ALPK2: variants seen among roughly 807,000 people sequenced by gnomAD.
ALPK2 encodes alpha-protein kinase 2.
Under a neutral mutation model 163.1 loss-of-function variants are expected in ALPK2, and 127 were observed. The ratio of observed to expected loss-of-function variants is 0.78; its 90% CI spans 0.67 to 0.90. The LOEUF is 0.90. ALPK2 is among the 40% of genes least tolerant of loss of function. ALPK2 has a pLI of 0.00. For missense variants in ALPK2, 2,360 were observed against 2,589.6 expected, an observed-to-expected ratio of 0.91 and a Z score of 1.92; for synonymous variants, 953 against 959.1, an observed-to-expected ratio of 0.99 and a Z score of 0.12.
chr18:58,582,621 G>A (rs1288885950), intron 3 of ALPK2, among the ~76,000 whole-genome samples: 1 of 152,004 alleles, frequency 6.6e-6, no homozygotes, highest in African/African-American at 2.4e-5. Context: ...CCAAATATGA[G>A]TGACCATGGC....
At chr18:58,545,601 C>G (rs2051713604) in intron 4 of ALPK2, among the ~76,000 whole-genome samples, 1 of 152,230 alleles carries the variant, frequency 6.6e-6, no homozygotes, top group Non-Finnish European at 1.5e-5. Context: ...AATCAGAAGC[C>G]CCGGGGCCAG....
chr18:58,565,916 G>A (rs1352513912), intron 4 of ALPK2, among the ~76,000 whole-genome samples: 3 of 152,046 alleles, frequency 2.0e-5, no homozygotes, highest in Non-Finnish European at 4.4e-5. Flanking sequence ...CGAGTAGCTG[G>A]GACTACAGGC....
At chr18:58,556,694 C>T (rs1362340193) in intron 4 of ALPK2, among the ~76,000 whole-genome samples, 1 of 152,160 alleles carries the variant, frequency 6.6e-6, no homozygotes, top group Non-Finnish European at 1.5e-5. Context: ...GTCTCAGGCT[C>T]CTCCCCAGAC....
chr18:58,599,064 A>G (rs1305423034), intron 3 of ALPK2, among the ~76,000 whole-genome samples: 1 of 152,114 alleles, frequency 6.6e-6, no homozygotes, highest in East Asian at 1.9e-4. Flanking sequence ...CCTGACTAGC[A>G]TGATTTGCCC....
intron 1 of ALPK2, among the ~76,000 whole-genome samples, chr18:58,615,684 G>A (rs1297870084): frequency 6.6e-6 from 1 of 152,196 alleles, no homozygotes; most frequent in Non-Finnish European, 1.5e-5. Flanking sequence ...GTCTCTGGGT[G>A]TAATTGTCAC....
At chr18:58,500,266 G>A in intron 11 of ALPK2, among the ~76,000 whole-genome samples, 1 of 145,836 alleles carries the variant, frequency 6.9e-6, no homozygotes, top group Admixed American at 6.8e-5. Flanking sequence ...CCACCAAATT[G>A]CAAACGCTGT....
chr18:58,578,651 G>C, intron 4 of ALPK2, 163 bp downstream of exon 4: 1 of 662,894 alleles, frequency 1.5e-6, no homozygotes, highest in Non-Finnish European at 2.4e-6. Context: ...CAGCTGTCAT[G>C]CACAAGTACC....
intron 1 of ALPK2, among the ~76,000 whole-genome samples, chr18:58,627,832 C>CA (rs1346008429): frequency 3.3e-5 from 5 of 151,984 alleles, no homozygotes; most frequent in African/African-American, 1.2e-4. Flanking sequence ...AGCCACACAG[C>CA]AAAAAACCCC....
At chr18:58,483,871 C>G (rs531510643) in intron 12 of ALPK2, among the ~76,000 whole-genome samples, 136 of 152,140 alleles carry the variant, frequency 8.9e-4, no homozygotes, top group African/African-American at 3.1e-3. Context: ...GGCCCTTGCT[C>G]ACTTTAAATT....
chr18:58,562,340 G>T (rs2051829604), intron 4 of ALPK2, among the ~76,000 whole-genome samples: 1 of 152,204 alleles, frequency 6.6e-6, no homozygotes. Flanking sequence ...TTACCTCCAA[G>T]ATGGTTTCAT....
At chr18:58,514,556 C>A (rs1386352057) in intron 10 of ALPK2, among the ~76,000 whole-genome samples, 1 of 152,104 alleles carries the variant, frequency 6.6e-6, no homozygotes, top group Non-Finnish European at 1.5e-5. Flanking sequence ...TTTCTGATCA[C>A]CCAATCCACT....
intron 1 of ALPK2, among the ~76,000 whole-genome samples, chr18:58,618,482 A>T (rs2052181530): frequency 6.6e-6 from 1 of 152,180 alleles, no homozygotes; most frequent in Non-Finnish European, 1.5e-5. Context: ...TCAGTAGCTG[A>T]TCATCTCTCT....
At chr18:58,538,504 C>T in intron 4 of ALPK2, 2 of 394,754 alleles carry the variant, frequency 5.1e-6, no homozygotes, top group Non-Finnish European at 9.1e-6. Context: ...TTCTTTCTCT[C>T]TTAGGAAATA....
intron 1 of ALPK2, among the ~76,000 whole-genome samples, chr18:58,626,226 G>A (rs909171586): frequency 6.6e-5 from 10 of 152,220 alleles, no homozygotes; most frequent in African/African-American, 2.4e-4. Flanking sequence ...AAGTTCTTGG[G>A]AGCTAGCCCA....
At chr18:58,502,505 A>C (rs1192767233) in intron 11 of ALPK2, among the ~76,000 whole-genome samples, 1 of 152,246 alleles carries the variant, frequency 6.6e-6, no homozygotes, top group Non-Finnish European at 1.5e-5. Flanking sequence ...CCCACAGGCT[A>C]CCAGGCTGGA....
At position 58,516,980 on chromosome 18, in the gene ALPK2, C is replaced by T. The variant is rs56249361; in HGVS notation, c.5868G>A (p.Val1956=). The T allele has an allele frequency of 5.0e-6, 8 of 1,614,176 alleles. No homozygotes were observed. The highest frequency in any genetic ancestry group is 6.8e-6 in the Non-Finnish European group (8 of 1,180,020). The change falls in exon 9 of 13, where the codon GTG becomes GTA. Residue 1956 remains valine, a synonymous_variant. Transcript: ENST00000361673. ...FKPGHACVLK[V]HNAIAYGTRN... is the part of the protein sequence containing the mutation. ...TGGTCCCATAGGCAATGGCATTGTGCACCTTAAGCACACAGGCATGGCCAG... is the reference window on the plus strand; with the variant it reads ...TGGTCCCATAGGCAATGGCATTGTGTACCTTAAGCACACAGGCATGGCCAG...
At chr18:58,569,270 A>C (rs2051872895) in intron 4 of ALPK2, among the ~76,000 whole-genome samples, 1 of 152,168 alleles carries the variant, frequency 6.6e-6, no homozygotes, top group South Asian at 2.1e-4. Flanking sequence ...AAGTATAGAG[A>C]ATCACCTGGG....
rs372456040 is a variant in ALPK2, at chr18:58,489,490, A to G, written c.6297-7451T>C. 4.0e-5 allele frequency among the ~76,000 whole-genome samples: 6 copies of G among 151,850 alleles called. No individual in the cohort carries two copies. The East Asian group carries it at 1.2e-3, about 30-fold the overall frequency. On this transcript the variant is annotated intron_variant, in intron 12 of 12. Transcript: ENST00000361673. Reference sequence around the variant, plus strand: ...TGCTTGAACCCAGCAGTTTGAGACTAGCCTGGGCAACATAGTGAGACCCCA... The same window carrying G: ...TGCTTGAACCCAGCAGTTTGAGACTGGCCTGGGCAACATAGTGAGACCCCA...
chr18:58,509,850 T>C (rs1248790283), intron 10 of ALPK2, among the ~76,000 whole-genome samples: 9 of 151,488 alleles, frequency 5.9e-5, no homozygotes, highest in Non-Finnish European at 1.3e-4. Context: ...TTCACTCTGA[T>C]GGTAGTTTCT....
Sources: allele counts gnomAD v4.1 joint callset (sites outside exome capture counted in the v4.1 genomes callset), GRCh38; gene constraint gnomAD v4.1.1; transcripts MANE v1.5; gene names NCBI Gene and HGNC (gene_info 2026-07-23, HGNC 2026-07-21).